Variants in ULK4 observed in about 807,000 individuals in gnomAD.
The protein encoded by ULK4 is inactive serine/threonine-protein kinase ULK4.
Under a neutral mutation model 160.6 loss-of-function variants are expected in ULK4, and 133 were observed. The ratio of observed to expected loss-of-function variants is 0.83; its 90% confidence interval spans 0.72 to 0.96. The LOEUF is 0.96. Ranked by LOEUF, ULK4 falls within the 40% of genes least tolerant of loss-of-function variation. ULK4 has a pLI of 0.00. For missense variants in ULK4, 1,580 were observed against 1,499.5 expected, an observed-to-expected ratio of 1.05 and a Z score of -0.89; for synonymous variants, 534 against 539.8, an observed-to-expected ratio of 0.99 and a Z score of 0.15.
chr3:41,763,971 C>T (rs1373965243), intron 21 of ULK4, among the ~76,000 whole-genome samples: 1 of 152,210 alleles, frequency 6.6e-6, no homozygotes, highest in Non-Finnish European at 1.5e-5. Context: ...TCTACTGTTA[C>T]TCACTTGAAA....
chr3:41,555,115 G>T (rs1469808274), intron 32 of ULK4, among the ~76,000 whole-genome samples: 5 of 151,788 alleles, frequency 3.3e-5, no homozygotes. Flanking sequence ...AGAATTAATA[G>T]GTAAAAACAT....
chr3:41,854,572 T>C (rs958967236), intron 17 of ULK4, among the ~76,000 whole-genome samples: 5 of 152,150 alleles, frequency 3.3e-5, no homozygotes, highest in Admixed American at 3.3e-4. Context: ...GTCTCCTAAG[T>C]TGATGCTTGA....
At chr3:41,264,833 T>C (rs1014925558) in intron 35 of ULK4, among the ~76,000 whole-genome samples, 1 of 152,182 alleles carries the variant, frequency 6.6e-6, no homozygotes, top group Non-Finnish European at 1.5e-5. Context: ...TTGAAACTCA[T>C]GTTACAACTG....
At chr3:41,312,393 A>T (rs368266809) in intron 35 of ULK4, among the ~76,000 whole-genome samples, 1 of 152,254 alleles carries the variant, frequency 6.6e-6, no homozygotes, top group East Asian at 1.9e-4. Flanking sequence ...TTAGAAGTCA[A>T]TAACAACAAC....
chr3:41,339,449 T>A (rs1240352233), intron 35 of ULK4, among the ~76,000 whole-genome samples: 1 of 152,158 alleles, frequency 6.6e-6, no homozygotes, highest in African/African-American at 2.4e-5. Flanking sequence ...GGAATCAGGA[T>A]GAAGCCACCC....
In ULK4 at chr3:41,547,573, T is replaced by A. The variant is rs565553920; in HGVS notation, c.3226+18452A>T. On this transcript the variant is annotated intron_variant, in intron 32 of 36. Coordinates refer to ENST00000301831, the MANE Select transcript of ULK4 (RefSeq NM_017886.4). ...AGGCCCTGAGACTAGTAGAGTGAGC[T>A]GCCTGGAGTCCAGGCAATGGCACCG... is the stretch of plus-strand genomic sequence containing the variant. Among the ~76,000 whole-genome samples, 11 of 152,280 alleles carry A rather than the reference T, an allele frequency of 7.2e-5. No individual in the cohort carries two copies. The East Asian group carries it at 2.1e-3, about 29-fold the overall frequency.
intron 34 of ULK4, among the ~76,000 whole-genome samples, chr3:41,416,156 A>G (rs533404600): frequency 6.6e-6 from 1 of 152,356 alleles, no homozygotes; most frequent in South Asian, 2.1e-4. Flanking sequence ...TGGGTCTAGG[A>G]CAAGAGTTTC....
chr3:41,634,277 C>T (rs1297356287), intron 30 of ULK4, among the ~76,000 whole-genome samples: 10 of 152,190 alleles, frequency 6.6e-5, no homozygotes, highest in Non-Finnish European at 1.5e-5. Flanking sequence ...CTGACCATCA[C>T]TCTGGCTCTG....
intron 34 of ULK4, among the ~76,000 whole-genome samples, chr3:41,413,017 T>C (rs2082440831): frequency 6.6e-6 from 1 of 152,162 alleles, no homozygotes; most frequent in South Asian, 2.1e-4. Flanking sequence ...ATTGGGTAAT[T>C]TATAAGGAAA....
At chr3:41,856,555 A>G (rs1438068313) in intron 17 of ULK4, among the ~76,000 whole-genome samples, 4 of 40,404 alleles carry the variant, frequency 9.9e-5, no homozygotes, top group African/African-American at 1.6e-4. Flanking sequence ...ATATGTGTAT[A>G]TATATACACA....
chr3:41,628,136 TCAAAGTGTGGTCTGCAGAC>T (rs966819854), intron 30 of ULK4, among the ~76,000 whole-genome samples: 1 of 152,138 alleles, frequency 6.6e-6, no homozygotes, highest in African/African-American at 2.4e-5. Flanking sequence ...ACACTGCTAA[TCAAAGTGTGGTCTGCAGAC>T]CAAAGATAGC....
At chr3:41,310,546 A>G (rs1252691430) in intron 35 of ULK4, among the ~76,000 whole-genome samples, 1 of 152,256 alleles carries the variant, frequency 6.6e-6, no homozygotes, top group Non-Finnish European at 1.5e-5. Context: ...ACATGATCAC[A>G]ATAAATGCAA....
At position 41,629,748 on chromosome 3, in the gene ULK4, G is replaced by A. The variant is rs558156411; in HGVS notation, c.3072-14031C>T. Among the ~76,000 whole-genome samples the A allele has an allele frequency of 3.3e-5, 5 of 152,218 alleles. No homozygotes were observed. In the South Asian group the frequency reaches 1.0e-3, roughly 32 times the overall value. On this transcript the variant is annotated intron_variant, in intron 30 of 36. Transcript: ENST00000301831. ...CACATGCCTATAATCCCAGCTCTGT[G>A]GGAGGCCAAGGTGGGCAGATCACTT...
At chr3:41,593,415 C>CAA (rs2031483797) in intron 31 of ULK4, among the ~76,000 whole-genome samples, 1 of 152,034 alleles carries the variant, frequency 6.6e-6, no homozygotes, top group Admixed American at 6.5e-5. Context: ...CACACACACA[C>CAA]ACACATATAA....
At chr3:41,612,463 T>C (rs1330238052) in intron 31 of ULK4, among the ~76,000 whole-genome samples, 2 of 152,168 alleles carry the variant, frequency 1.3e-5, no homozygotes, top group Non-Finnish European at 2.9e-5. Context: ...TACACATCAC[T>C]CTCTCCCTGC....
intron 35 of ULK4, among the ~76,000 whole-genome samples, chr3:41,343,922 C>T (rs1235336465): frequency 1.3e-5 from 2 of 151,920 alleles, no homozygotes; most frequent in Non-Finnish European, 2.9e-5. Flanking sequence ...ATGGCCATCT[C>T]AATGCAATTC....
At chr3:41,768,576 C>T (rs2039247684) in intron 21 of ULK4, among the ~76,000 whole-genome samples, 1 of 152,182 alleles carries the variant, frequency 6.6e-6, no homozygotes, top group African/African-American at 2.4e-5. Flanking sequence ...AACCTACAGC[C>T]TCAGCTGAGT....
At chr3:41,902,450 C>T (rs1471592893) in intron 12 of ULK4, among the ~76,000 whole-genome samples, 4 of 151,736 alleles carry the variant, frequency 2.6e-5, no homozygotes, top group African/African-American at 4.8e-5. Context: ...TGGTGGCAGG[C>T]GCCTGTAATC....
At chr3:41,886,557 G>T (rs1697728362) in intron 16 of ULK4, among the ~76,000 whole-genome samples, 1 of 151,524 alleles carries the variant, frequency 6.6e-6, no homozygotes, top group Non-Finnish European at 1.5e-5. Flanking sequence ...ATGACGTACA[G>T]AAGATATAAA....
Sources: allele counts gnomAD v4.1 joint callset (sites outside exome capture counted in the v4.1 genomes callset), GRCh38; gene constraint gnomAD v4.1.1; transcripts MANE v1.5; gene names NCBI Gene and HGNC (gene_info 2026-07-23, HGNC 2026-07-21).